The following FER variants were observed in gnomAD, a reference collection of about 807,000 sequenced individuals.
FER encodes tyrosine-protein kinase Fer.
Under a neutral mutation model 111.0 loss-of-function variants are expected in FER, and 63 were observed. That is an observed-to-expected ratio of 0.57 (90% CI 0.46 to 0.70). The LOEUF is 0.70. Among genes scored for constraint, FER ranks in the 30% least tolerant of loss-of-function variants. The probability of loss-of-function intolerance (pLI) is 0.00; values close to 1 mark genes in which losing one functional copy is unlikely to be tolerated. For synonymous variants in FER, 327 were observed against 313.9 expected (o/e 1.04, Z -0.44); for missense variants, 914 against 954.0 (o/e 0.96, Z 0.55).
chr5:108,819,007 C>G (rs1758558366), intron 3 of FER, among the ~76,000 whole-genome samples: 1 of 151,748 alleles, frequency 6.6e-6, no homozygotes, highest in African/African-American at 2.4e-5. Flanking sequence ...TTAGTTTAAC[C>G]TAGATAGTTA....
intron 2 of FER, among the ~76,000 whole-genome samples, chr5:108,787,557 A>G (rs1754884823): frequency 6.6e-6 from 1 of 152,152 alleles, no homozygotes; most frequent in South Asian, 2.1e-4. Flanking sequence ...CTGTTTGGCA[A>G]ATTTGATGGG....
chr5:109,035,711 T>C (rs1770291494), intron 13 of FER, among the ~76,000 whole-genome samples: 1 of 152,228 alleles, frequency 6.6e-6, no homozygotes, highest in Non-Finnish European at 1.5e-5. Context: ...TTCCAAATTA[T>C]TTTCCCAAAC....
intron 14 of FER, among the ~76,000 whole-genome samples, chr5:109,040,330 T>C (rs1483174720): frequency 6.6e-6 from 1 of 152,068 alleles, no homozygotes; most frequent in African/African-American, 2.4e-5. Flanking sequence ...GGATTGAGCC[T>C]TGCCCACTCG....
At position 108,762,661 on chromosome 5, in the gene FER, T is replaced by C. The variant is rs370855962; in HGVS notation, c.-205-5432T>C. Among the ~76,000 whole-genome samples the C allele has an allele frequency of 4.6e-5, 7 of 152,344 alleles. No homozygotes were observed. The East Asian group carries it at 9.6e-4, about 21-fold the overall frequency. ...TCTCTGAACTAGTTCTTCTCTGAAC[T>C]GTAGTTTAAAATGGGCCACGGTTTT... On this transcript the variant is annotated intron_variant, in intron 1 of 19. Coordinates refer to ENST00000281092, the MANE Select transcript of FER (RefSeq NM_005246.4).
intron 1 of FER, among the ~76,000 whole-genome samples, chr5:108,763,673 T>A (rs1379739793): frequency 6.6e-6 from 1 of 152,196 alleles, no homozygotes; most frequent in Admixed American, 6.5e-5. Flanking sequence ...GGAGATACTG[T>A]CTCTAGCTTC....
chr5:109,178,134 A>T (rs567544415), intron 17 of FER, among the ~76,000 whole-genome samples: 2 of 152,304 alleles, frequency 1.3e-5, no homozygotes, highest in East Asian at 3.9e-4. Context: ...TGTCTCCTTT[A>T]ATACTTATTA....
At chr5:108,967,728 C>G (rs531969133) in intron 13 of FER, among the ~76,000 whole-genome samples, 5 of 129,668 alleles carry the variant, frequency 3.9e-5, no homozygotes, top group African/African-American at 6.0e-5. Flanking sequence ...CCACTGCACT[C>G]TGGCCTGGGC....
chr5:108,849,359 G>T (rs979273944), intron 5 of FER, among the ~76,000 whole-genome samples: 16 of 150,672 alleles, frequency 1.1e-4, no homozygotes, highest in African/African-American at 3.4e-4. Flanking sequence ...TCTTTTTTTT[G>T]TTTCATTTTG....
intron 13 of FER, among the ~76,000 whole-genome samples, chr5:108,961,105 A>G (rs1759089843): frequency 6.6e-6 from 1 of 152,194 alleles, no homozygotes; most frequent in Non-Finnish European, 1.5e-5. Context: ...AGTGTTTTGT[A>G]TGCTTAATTA....
intron 2 of FER, among the ~76,000 whole-genome samples, chr5:108,777,114 C>A (rs1753577418): frequency 6.6e-6 from 1 of 152,108 alleles, no homozygotes; most frequent in African/African-American, 2.4e-5. Context: ...AAGTTGGAGA[C>A]CAGCCTGGGA....
intron 1 of FER, among the ~76,000 whole-genome samples, chr5:108,763,879 C>T (rs754039514): frequency 6.6e-6 from 1 of 152,124 alleles, no homozygotes; most frequent in Non-Finnish European, 1.5e-5. Flanking sequence ...TCTCTTGGTT[C>T]TTTGTTTGGG....
intron 17 of FER, among the ~76,000 whole-genome samples, chr5:109,161,388 CT>C (rs573199513): frequency 1.3e-4 from 20 of 151,994 alleles, no homozygotes; most frequent in Non-Finnish European, 2.4e-4. Context: ...ACTAGACTTA[CT>C]GGGTTATTTT....
chr5:108,992,195 A>G (rs933437558), intron 13 of FER, among the ~76,000 whole-genome samples: 7 of 152,170 alleles, frequency 4.6e-5, no homozygotes, highest in African/African-American at 1.7e-4. Flanking sequence ...GGTTGGGGGT[A>G]AGGTCACAGA....
At chr5:108,892,280 C>T (rs1446923850) in intron 9 of FER, among the ~76,000 whole-genome samples, 2 of 152,180 alleles carry the variant, frequency 1.3e-5, no homozygotes, top group Non-Finnish European at 2.9e-5. Context: ...ACCGTCCCAC[C>T]AACAGTGTAA....
intron 5 of FER, among the ~76,000 whole-genome samples, chr5:108,861,488 A>T (rs1399058352): frequency 6.6e-6 from 1 of 152,160 alleles, no homozygotes; most frequent in Non-Finnish European, 1.5e-5. Context: ...TATTATGTGG[A>T]GGAGGAAAAA....
intron 10 of FER, among the ~76,000 whole-genome samples, chr5:108,941,837 A>G (rs1280422030): frequency 6.6e-6 from 1 of 152,202 alleles, no homozygotes; most frequent in East Asian, 1.9e-4. Flanking sequence ...TCTTTAGGAC[A>G]GTGTTGGCTA....
At chr5:108,775,054 G>C (rs1363602124) in intron 2 of FER, among the ~76,000 whole-genome samples, 1 of 152,082 alleles carries the variant, frequency 6.6e-6, no homozygotes, top group Non-Finnish European at 1.5e-5. Context: ...TAATCCATCT[G>C]AGTTAATTTT....
intron 17 of FER, among the ~76,000 whole-genome samples, chr5:109,142,485 C>T (rs1753632517): frequency 6.6e-6 from 1 of 152,036 alleles, no homozygotes; most frequent in Non-Finnish European, 1.5e-5. Flanking sequence ...GACTATAAAA[C>T]TTATTTTTAT....
chr5:108,855,328 A>G (rs1454570755), intron 5 of FER, among the ~76,000 whole-genome samples: 1 of 152,100 alleles, frequency 6.6e-6, no homozygotes, highest in Non-Finnish European at 1.5e-5. Flanking sequence ...CGAAATAAAG[A>G]GTTAAAAAGA....
Sources: allele counts gnomAD v4.1 joint callset (sites outside exome capture counted in the v4.1 genomes callset), GRCh38; gene constraint gnomAD v4.1.1; transcripts MANE v1.5; gene names NCBI Gene and HGNC (gene_info 2026-07-23, HGNC 2026-07-21).